RBFOX3: variants seen among roughly 807,000 people sequenced by gnomAD.
RBFOX3 encodes RNA binding fox-1 homolog 3, also known as RNA binding protein fox-1 homolog 3.
RBFOX3 carries 17 observed loss-of-function variants against 48.7 expected under a neutral mutation model. The observed-to-expected ratio is 0.35, with a 90% confidence interval of 0.24 to 0.52. The LOEUF (loss-of-function observed/expected upper bound fraction) is 0.52. RBFOX3 is among the 20% of genes least tolerant of loss of function. The pLI, the probability that RBFOX3 is intolerant of heterozygous loss-of-function variation, is 0.94. For synonymous variants in RBFOX3, 212 were observed against 209.5 expected (o/e 1.01, Z -0.10); for missense variants, 382 against 497.5 (o/e 0.77, Z 2.21).
In RBFOX3 at chr17:79,106,783, T is replaced by C. The variant is rs1435018307; in HGVS notation, c.228A>G (p.Thr76=). Reference sequence around the variant, plus strand: ...GGCTGTCCGTCTGTGCCGCCTCGTCTGTCTGCTGCAGGGAGAGGACTGGGC... The same window carrying C: ...GGCTGTCCGTCTGTGCCGCCTCGTCCGTCTGCTGCAGGGAGAGGACTGGGC... ...PIAGTQTVPQ[T]DEAAQTDSQP... Residue 76 remains threonine, a synonymous_variant, in exon 6 of 15, where the codon ACA becomes ACG. Transcript: ENST00000693108. 3 of 1,519,674 alleles carry C rather than the reference T, an allele frequency of 2.0e-6. No homozygotes were observed. The African/African-American group carries it at 4.2e-5, about 21-fold the overall frequency. 94.1% of individuals were successfully genotyped at this position (1,519,674 alleles called of 1,614,324 possible).
At chr17:79,531,886 G>A (rs1290690735) in intron 1 of RBFOX3, among the ~76,000 whole-genome samples, 1 of 152,130 alleles carries the variant, frequency 6.6e-6, no homozygotes, top group East Asian at 1.9e-4. Context: ...ACAGCTGACC[G>A]CCAGGCCGCT....
At chr17:79,174,189 G>A (rs1244494601) in intron 4 of RBFOX3, among the ~76,000 whole-genome samples, 2 of 152,116 alleles carry the variant, frequency 1.3e-5, no homozygotes, top group East Asian at 1.9e-4. Context: ...GGGCAGGGAC[G>A]AAGTGCTCAC....
intron 3 of RBFOX3, among the ~76,000 whole-genome samples, chr17:79,289,136 G>A (rs916533835): frequency 3.9e-5 from 6 of 152,212 alleles, no homozygotes; most frequent in East Asian, 1.9e-4. Flanking sequence ...CAAAAGACAC[G>A]CCCCTATGCA....
intron 2 of RBFOX3, among the ~76,000 whole-genome samples, chr17:79,432,971 T>G (rs2068737498): frequency 6.6e-6 from 1 of 152,212 alleles, no homozygotes; most frequent in South Asian, 2.1e-4. Flanking sequence ...CCTCTTCTCT[T>G]GCTCCCCCTA....
chr17:79,137,084 C>T (rs925035558), intron 4 of RBFOX3, among the ~76,000 whole-genome samples: 1 of 152,204 alleles, frequency 6.6e-6, no homozygotes, highest in African/African-American at 2.4e-5. Flanking sequence ...TCACCAGAGG[C>T]ACCCCTGTTT....
chr17:79,271,286 G>A (rs1975867), intron 3 of RBFOX3, among the ~76,000 whole-genome samples: 1 of 151,502 alleles, frequency 6.6e-6, no homozygotes, highest in Non-Finnish European at 1.5e-5. Context: ...ATGATGGCCA[G>A]GCTGGTCTCG....
chr17:79,409,864 A>G (rs1326072423), intron 2 of RBFOX3, among the ~76,000 whole-genome samples: 1 of 151,990 alleles, frequency 6.6e-6, no homozygotes, highest in Non-Finnish European at 1.5e-5. Context: ...CCCCCCATCC[A>G]CCCATTTCTT....
intron 4 of RBFOX3, among the ~76,000 whole-genome samples, chr17:79,168,694 C>T (rs1276270162): frequency 2.0e-5 from 3 of 152,206 alleles, no homozygotes; most frequent in Non-Finnish European, 4.4e-5. Flanking sequence ...ACAGGCCAGC[C>T]GCACGGGGCT....
rs1328016490 is a variant in RBFOX3 at position 79,270,905 on chromosome 17, AT to A, written c.-73-35101del. On this transcript the variant is annotated intron_variant, in intron 3 of 14. Coordinates refer to ENST00000693108, the MANE Select transcript of RBFOX3 (RefSeq NM_001350451.2). ...GGAAATGAGGCCGAGAGGTTCAGTC[AT>A]TTTCCAATGTTATGCAACAACATGC... is the stretch of plus-strand genomic sequence containing the variant. 3.3e-5 allele frequency among the ~76,000 whole-genome samples: 5 copies of A among 152,288 alleles called. No homozygotes were observed. In the South Asian group the frequency reaches 6.2e-4, roughly 19 times the overall value.
At chr17:79,448,702 C>T (rs2072860773) in intron 2 of RBFOX3, among the ~76,000 whole-genome samples, 1 of 152,168 alleles carries the variant, frequency 6.6e-6, no homozygotes, top group Admixed American at 6.5e-5. Flanking sequence ...ATATCAGATG[C>T]AGGTCACTCA....
At chr17:79,621,142 G>C in the RBFOX3 span, among the ~76,000 whole-genome samples, 1 of 152,078 alleles carries the variant, frequency 6.6e-6, no homozygotes, top group Non-Finnish European at 1.5e-5. Flanking sequence ...GGGACTACAG[G>C]CACGTGCCAC....
In RBFOX3 at chr17:79,277,651, G is replaced by A. The variant is rs1486814989; in HGVS notation, c.-74+30073C>T. On this transcript the variant is annotated intron_variant, in intron 3 of 14. Transcript: ENST00000693108. ...TGGACAGGCAGGGGTAGCATGTGGCGTGCTGGGCCTTGAAAACTCCACTGG... is the reference window on the plus strand; with the variant it reads ...TGGACAGGCAGGGGTAGCATGTGGCATGCTGGGCCTTGAAAACTCCACTGG... Among the ~76,000 whole-genome samples the A allele has an allele frequency of 1.3e-5, 2 of 152,194 alleles. 1 individual carries two copies. Among genetic ancestry groups the A allele is most frequent in the Non-Finnish European group, 2.9e-5 (2 of 68,032 alleles).
At chr17:79,184,443 G>A (rs1416432322) in intron 4 of RBFOX3, among the ~76,000 whole-genome samples, 2 of 152,214 alleles carry the variant, frequency 1.3e-5, no homozygotes, top group Non-Finnish European at 2.9e-5. Flanking sequence ...TCTCGGCAGT[G>A]CCCCTTGTTC....
At chr17:79,338,227 C>T (rs921752484) in intron 2 of RBFOX3, among the ~76,000 whole-genome samples, 2 of 152,178 alleles carry the variant, frequency 1.3e-5, no homozygotes, top group Non-Finnish European at 2.9e-5. Context: ...GCATGAGCCA[C>T]CGCGCCTGGC....
chr17:79,245,240 T>G (rs2062995079), intron 3 of RBFOX3, among the ~76,000 whole-genome samples: 1 of 151,976 alleles, frequency 6.6e-6, no homozygotes, highest in African/African-American at 2.4e-5. Flanking sequence ...ACCCGGCTCA[T>G]TTTTGGGTTT....
chr17:79,345,593 T>C (rs762617758), intron 2 of RBFOX3, among the ~76,000 whole-genome samples: 14 of 152,234 alleles, frequency 9.2e-5, no homozygotes, highest in Non-Finnish European at 1.8e-4. Context: ...TCTCTTTTTA[T>C]GTTTATTGAT....
At chr17:79,474,754 G>C (rs2077487480) in intron 2 of RBFOX3, among the ~76,000 whole-genome samples, 1 of 152,128 alleles carries the variant, frequency 6.6e-6, no homozygotes, top group Non-Finnish European at 1.5e-5. Context: ...ACCTGACTCA[G>C]TCCCTGCTGC....
chr17:79,424,967 C>T (rs77728160), intron 2 of RBFOX3, among the ~76,000 whole-genome samples: 4,604 of 152,224 alleles, frequency 0.03, 156 homozygotes, highest in African/African-American at 0.078. Context: ...CCTGGGCCAG[C>T]CCCACCCTGT....
At chr17:79,640,060 C>T in the RBFOX3 span, among the ~76,000 whole-genome samples, 1 of 151,996 alleles carries the variant, frequency 6.6e-6, no homozygotes, top group African/African-American at 2.4e-5. Flanking sequence ...AGATGATATA[C>T]GTAGAAAACC....
Sources: gnomAD v4.1 joint callset for allele counts (sites outside exome capture counted in the v4.1 genomes callset) on GRCh38, gnomAD v4.1.1 for gene constraint, MANE v1.5 for transcripts, NCBI Gene and HGNC (gene_info 2026-07-23, HGNC 2026-07-21) for gene names.